The following DYNLT5 variants were observed in gnomAD, a reference collection of about 807,000 sequenced individuals.
DYNLT5 encodes the protein dynein light chain Tctex-type family member 5.
In DYNLT5, 25 loss-of-function variants were observed where a neutral mutation model predicts 19.3. The observed-to-expected ratio is 1.30, with a 90% confidence interval of 0.95 to 1.81. DYNLT5 has a LOEUF of 1.81. DYNLT5 is among the 40% of genes most tolerant of loss of function. DYNLT5 has a pLI of 0.00. For synonymous variants in DYNLT5, 82 were observed against 68.9 expected (o/e 1.19, Z -0.94); for missense variants, 232 against 217.9 (o/e 1.06, Z -0.41).
chr1:66,761,303 T>C (rs1442629042), intron 2 of DYNLT5, among the ~76,000 whole-genome samples: 1 of 152,244 alleles, frequency 6.6e-6, no homozygotes, highest in Non-Finnish European at 1.5e-5. Context: ...AATAGCATTT[T>C]ATCTAAAGAA....
intron 2 of DYNLT5, among the ~76,000 whole-genome samples, chr1:66,756,757 C>T (rs1489717567): frequency 6.6e-6 from 1 of 152,094 alleles, no homozygotes; most frequent in African/African-American, 2.4e-5. Flanking sequence ...TCCACAGACC[C>T]CTATCTACTT....
intron 3 of DYNLT5, among the ~76,000 whole-genome samples, chr1:66,771,143 G>A (rs1645202318): frequency 6.6e-6 from 1 of 152,200 alleles, no homozygotes; most frequent in Non-Finnish European, 1.5e-5. Flanking sequence ...GGGCCAAGGT[G>A]ATTCCATCTG....
intron 2 of DYNLT5, among the ~76,000 whole-genome samples, chr1:66,759,015 A>G (rs1407334847): frequency 1.3e-5 from 2 of 152,178 alleles, no homozygotes; most frequent in East Asian, 1.9e-4. Context: ...GCCTCCCCCA[A>G]AAAGAGAAAA....
chr1:66,760,012 G>C (rs936235010), intron 2 of DYNLT5, among the ~76,000 whole-genome samples: 1 of 152,048 alleles, frequency 6.6e-6, no homozygotes, highest in Non-Finnish European at 1.5e-5. Context: ...TCTCTTCCTA[G>C]TATACCTTTC....
At position 66,752,594 on chromosome 1, in the gene DYNLT5, CCT is replaced by C. The variant is rs1572539891; in HGVS notation, c.-4+17_-4+18del. The C allele has an allele frequency of 1.0e-6, 1 of 985,326 alleles. No individual in the cohort carries two copies. The highest frequency in any genetic ancestry group is 1.2e-6 in the Non-Finnish European group (1 of 829,910). 61.0% of individuals were successfully genotyped at this position (985,326 alleles called of 1,614,324 possible). ...AGCCTCCCTGCTGCAGGTAGGGTCG[CCT>C]CTCTCTGCAGCGCGTCTGGACCCCA... On this transcript the variant is annotated intron_variant, in intron 1 of 4. Coordinates refer to ENST00000282670, the MANE Select transcript of DYNLT5 (RefSeq NM_152665.3).
chr1:66,772,139 G>C (rs75112499), intron 3 of DYNLT5, among the ~76,000 whole-genome samples: 1 of 151,944 alleles, frequency 6.6e-6, no homozygotes, highest in African/African-American at 2.4e-5. Context: ...GTATTAGTCC[G>C]TTTTTGCATT....
At chr1:66,762,086 C>A (rs1385604699) in intron 2 of DYNLT5, among the ~76,000 whole-genome samples, 1 of 151,996 alleles carries the variant, frequency 6.6e-6, no homozygotes, top group Non-Finnish European at 1.5e-5. Flanking sequence ...AGCAACTCCT[C>A]ATCTGTTTAA....
Position 66,765,423 on chromosome 1 carries a change from T to C in DYNLT5, c.120-4964T>C, listed in dbSNP as rs541336624. Among the ~76,000 whole-genome samples the C allele has an allele frequency of 5.9e-5, 9 of 152,258 alleles. No individual in the cohort carries two copies. The East Asian group carries it at 9.7e-4, about 16-fold the overall frequency. ...GTATAATAATAACTCTGAAAACGTA[T>C]GGAAATGAGTTCTCAATAATAATTA... On this transcript the variant is annotated intron_variant, in intron 2 of 4. Coordinates refer to ENST00000282670, the MANE Select transcript of DYNLT5 (RefSeq NM_152665.3).
At position 66,777,384 on chromosome 1, in the gene DYNLT5, T is replaced by C. The variant is rs754664416; in HGVS notation, c.470T>C (p.Phe157Ser). The change falls in exon 5 of 5, where the codon TTT (phenylalanine) becomes TCT (serine). Residue 157 changes from phenylalanine (F) to serine (S), a missense_variant. By Grantham distance (155) the Phe-to-Ser change is radical. Coordinates refer to ENST00000282670, the MANE Select transcript of DYNLT5 (RefSeq NM_152665.3). ...RCLWDPKSDT[F>S]SSYVFRNSSL... ...CTCTGGGATCCTAAAAGTGATACCT[T>C]TTCATCTTATGTTTTCAGAAATTCT... The C allele has an allele frequency of 5.6e-6, 9 of 1,613,954 alleles. No homozygotes were observed. In the Admixed American group the frequency reaches 8.3e-5, roughly 15 times the overall value.
In DYNLT5 at chr1:66,771,569, C is replaced by A. The variant is rs1000679336; in HGVS notation, c.211+1091C>A. Among the ~76,000 whole-genome samples, 8 of 152,200 alleles carry A rather than the reference C, an allele frequency of 5.3e-5. 2 individuals are homozygous for A. Among genetic ancestry groups the A allele is most frequent in the Admixed American group, 3.3e-4 (5 of 15,266 alleles). Reference sequence around the variant, plus strand: ...CCTGAAACTTGAAGGAATGTAGGGGCTCTGGCAGGATCTGCCACCTTGCCC... The same window carrying A: ...CCTGAAACTTGAAGGAATGTAGGGGATCTGGCAGGATCTGCCACCTTGCCC... On this transcript the variant is annotated intron_variant, in intron 3 of 4. Transcript: ENST00000282670.
At chr1:66,771,374 C>G (rs1464678690) in intron 3 of DYNLT5, among the ~76,000 whole-genome samples, 2 of 152,204 alleles carry the variant, frequency 1.3e-5, no homozygotes, top group Non-Finnish European at 2.9e-5. Flanking sequence ...CTTTGAAATT[C>G]CACCAACATC....
Position 66,769,118 on chromosome 1 carries a change from C to T in DYNLT5, c.120-1269C>T, listed in dbSNP as rs571765447. On this transcript the variant is annotated intron_variant, in intron 2 of 4. Coordinates refer to ENST00000282670, the MANE Select transcript of DYNLT5 (RefSeq NM_152665.3). ...CAGCAGTAATCATCTTTGGTATTGC[C>T]CACAACACCTGCAGCCAGTGTGGCC... 2.0e-5 allele frequency among the ~76,000 whole-genome samples: 3 copies of T among 152,120 alleles called. No homozygotes were observed. In the South Asian group the frequency reaches 6.2e-4, roughly 32 times the overall value.
Position 66,776,414 on chromosome 1 carries a change from G to T in DYNLT5, c.336+11G>T. The T allele has an allele frequency of 1.9e-6, 3 of 1,592,676 alleles. No individual in the cohort carries two copies. Among genetic ancestry groups the T allele is most frequent in the Non-Finnish European group, 1.7e-6 (2 of 1,167,422 alleles). ...AAAACCATTTCTGAGGTACGTGTGTGATTTGCCCAAAGTGTTAACAATAGC... is the reference window on the plus strand; with the variant it reads ...AAAACCATTTCTGAGGTACGTGTGTTATTTGCCCAAAGTGTTAACAATAGC... On this transcript the variant is annotated intron_variant, in intron 4 of 4. Coordinates refer to ENST00000282670, the MANE Select transcript of DYNLT5 (RefSeq NM_152665.3).
At position 66,776,267 on chromosome 1, in the gene DYNLT5, G is replaced by A. The variant is rs1298368276; in HGVS notation, c.212-12G>A. On this transcript the variant is annotated splice_polypyrimidine_tract_variant and intron_variant, in intron 3 of 4. Coordinates refer to ENST00000282670, the MANE Select transcript of DYNLT5 (RefSeq NM_152665.3). Reference sequence around the variant, plus strand: ...ATTACTTTTTAGAAATAAATTTTATGTGTATTTTCAGGTCCTCCCAAACAT... The same window carrying A: ...ATTACTTTTTAGAAATAAATTTTATATGTATTTTCAGGTCCTCCCAAACAT... 1.9e-6 allele frequency: 3 copies of A among 1,610,252 alleles called. No individual in the cohort carries two copies. In the African/African-American group the frequency reaches 4.0e-5, roughly 22 times the overall value.
intron 2 of DYNLT5, among the ~76,000 whole-genome samples, chr1:66,762,977 C>A (rs960154209): frequency 6.6e-6 from 1 of 151,880 alleles, no homozygotes; most frequent in Non-Finnish European, 1.5e-5. Flanking sequence ...TCACATGTTC[C>A]CCATAAAAAT....
At chr1:66,775,799 C>G (rs754093149) in intron 3 of DYNLT5, among the ~76,000 whole-genome samples, 9 of 152,154 alleles carry the variant, frequency 5.9e-5, no homozygotes, top group Admixed American at 2.0e-4. Context: ...CACAGGAGCA[C>G]CTTTATAGAC....
chr1:66,764,268 G>C (rs2094650717), intron 2 of DYNLT5, among the ~76,000 whole-genome samples: 1 of 152,206 alleles, frequency 6.6e-6, no homozygotes, highest in Admixed American at 6.5e-5. Context: ...AAAAGGCCTA[G>C]CTTTCAGCCT....
intron 3 of DYNLT5, among the ~76,000 whole-genome samples, chr1:66,774,684 A>G (rs1355074712): frequency 6.6e-6 from 1 of 151,910 alleles, no homozygotes; most frequent in Non-Finnish European, 1.5e-5. Flanking sequence ...ACCAAAGGAC[A>G]GAAACTGCTC....
chr1:66,765,919 G>A (rs1265811894), intron 2 of DYNLT5, among the ~76,000 whole-genome samples: 1 of 152,180 alleles, frequency 6.6e-6, no homozygotes, highest in Non-Finnish European at 1.5e-5. Context: ...CCAATTTCAT[G>A]CAGCTACTTC....
Sources: gnomAD v4.1 joint callset for allele counts (sites outside exome capture counted in the v4.1 genomes callset) on GRCh38, gnomAD v4.1.1 for gene constraint, MANE v1.5 for transcripts, NCBI Gene and HGNC (gene_info 2026-07-23, HGNC 2026-07-21) for gene names.